PHC2: variants seen among roughly 807,000 people sequenced by gnomAD.
PHC2 encodes the protein polyhomeotic-like protein 2.
Under a neutral mutation model 87.4 loss-of-function variants are expected in PHC2, and 29 were observed. That is an observed-to-expected ratio of 0.33 (90% confidence interval 0.25 to 0.45). PHC2 has a LOEUF of 0.45. Among genes scored for constraint, PHC2 ranks in the 20% least tolerant of loss-of-function variants. The pLI, the probability that PHC2 is intolerant of heterozygous loss-of-function variation, is 1.00. For missense variants in PHC2, 857 were observed against 1,136.7 expected, an observed-to-expected ratio of 0.75 and a Z score of 3.54; for synonymous variants, 438 against 461.7, an observed-to-expected ratio of 0.95 and a Z score of 0.66.
chr1:33,331,176 T>G lies in PHC2; in HGVS notation c.2006+172A>C, dbSNP rs1040460951. On this transcript the variant is annotated intron_variant, in intron 12 of 14. Transcript: ENST00000683057. This position sits in a 1 kb window ranked among gnomAD's most constrained non-coding sequence, Gnocchi z 5.2. ...CTCTCTCCCACCTGCTCTTAGGGGT[T>G]CTGGCTTCTCGTGCTTGTTGAATTA... Among the ~76,000 whole-genome samples, 3 of 152,224 alleles carry G rather than the reference T, an allele frequency of 2.0e-5. No homozygotes were observed. Among genetic ancestry groups the G allele is most frequent in the Non-Finnish European group, 4.4e-5 (3 of 68,038 alleles).
intron 1 of PHC2, among the ~76,000 whole-genome samples, chr1:33,405,541 C>T (rs954788906): frequency 4.6e-5 from 7 of 152,076 alleles, no homozygotes; most frequent in African/African-American, 1.7e-4. Context: ...TGTATATCCT[C>T]TCTATAAGTG....
In PHC2 at chr1:33,332,586, G is replaced by A. The variant is rs969742754; in HGVS notation, c.1762-182C>T. 1.8e-5 allele frequency: 12 copies of A among 677,904 alleles called. No homozygotes were observed. The highest frequency in any genetic ancestry group is 1.4e-4 in the South Asian group (8 of 56,200). 42.0% of individuals were successfully genotyped at this position (677,904 alleles called of 1,614,324 possible). On this transcript the variant is annotated intron_variant, in intron 10 of 14. Coordinates refer to ENST00000683057, the MANE Select transcript of PHC2 (RefSeq NM_001385109.1). The surrounding 1 kb of genome is among the most constrained non-coding windows in gnomAD (Gnocchi z 4.2). The stretch of plus-strand genomic sequence containing the variant: ...GGCCCTATTTTGCTGGTTGGCTCAC[G>A]AGGTAAGATGCTAATGGGCAAAGTA...
chr1:33,357,818 T>C lies in PHC2; in HGVS notation c.977-2565A>G, dbSNP rs1443767245. ...CAAAATGATCTGCAAATGTTGGGCA[T>C]GTCACTGCAAATGCAACCAAAACTT... On this transcript the variant is annotated intron_variant, in intron 7 of 14. Transcript: ENST00000683057. 2.6e-5 allele frequency among the ~76,000 whole-genome samples: 4 copies of C among 152,216 alleles called. No individual in the cohort carries two copies. The East Asian group carries it at 7.7e-4, about 29-fold the overall frequency.
At chr1:33,337,201 T>C (rs1219498266) in intron 9 of PHC2, among the ~76,000 whole-genome samples, 1 of 152,186 alleles carries the variant, frequency 6.6e-6, no homozygotes, top group African/African-American at 2.4e-5. Flanking sequence ...GAAAGTCTGG[T>C]TCGATCTCTT....
chr1:33,353,144 C>T (rs2148276879), intron 9 of PHC2: 1 of 152,228 alleles, frequency 6.6e-6, no homozygotes, highest in Middle Eastern at 3.4e-3. Context: ...GATAGACAAG[C>T]CTGACCAGAA....
chr1:33,334,434 T>G lies in PHC2; in HGVS notation c.1559-142A>C, dbSNP rs1646579843. ...ATGCAAACCAAGCAGTCCCCTCCCC[T>G]CAGTGACCCATTTAAAAGTGGCACA... is the stretch of plus-strand genomic sequence containing the variant. On this transcript the variant is annotated intron_variant, in intron 9 of 14. Coordinates refer to ENST00000683057, the MANE Select transcript of PHC2 (RefSeq NM_001385109.1). The surrounding 1 kb of genome is among the most constrained non-coding windows in gnomAD (Gnocchi z 5.5). 4 of 685,882 alleles carry G rather than the reference T, an allele frequency of 5.8e-6. No homozygotes were observed. Among genetic ancestry groups the G allele is most frequent in the Non-Finnish European group, 1.0e-5 (4 of 400,930 alleles). The allele number at this position is 685,882 out of a possible 1,614,324, so 42.5% of individuals were successfully genotyped here. A position where few individuals can be genotyped will look rare whatever the true frequency, so the allele number is the denominator to read the frequency against.
chr1:33,367,065 TCACGGC>T (rs1647493875), intron 7 of PHC2, 45 bp downstream of exon 7: 1 of 1,493,654 alleles, frequency 6.7e-7, no homozygotes, highest in Non-Finnish European at 9.1e-7. Flanking sequence ...TCCTCCTGAC[TCACGGC>T]CCTGAGTTTT....
chr1:33,381,042 T>C (rs1648466292), intron 1 of PHC2, among the ~76,000 whole-genome samples: 1 of 152,192 alleles, frequency 6.6e-6, no homozygotes, highest in Non-Finnish European at 1.5e-5. Flanking sequence ...ACCAACTCCT[T>C]AGATCTTCAA....
In PHC2 at chr1:33,331,515, G is replaced by A; in HGVS notation, c.1892-53C>T. The A allele has an allele frequency of 2.7e-6, 3 of 1,093,592 alleles. No homozygotes were observed. Among genetic ancestry groups the A allele is most frequent in the Admixed American group, 1.8e-5 (1 of 57,040 alleles). The allele number at this position is 1,093,592 out of a possible 1,614,324, so 67.7% of individuals were successfully genotyped here. ...GAGAATGAGAAATTCCTGCAGGACT[G>A]TGGCCAGCCCCACCACGGGGCCTCC... On this transcript the variant is annotated intron_variant, in intron 11 of 14. Coordinates refer to ENST00000683057, the MANE Select transcript of PHC2 (RefSeq NM_001385109.1). This position sits in a 1 kb window ranked among gnomAD's most constrained non-coding sequence, Gnocchi z 5.2.
intron 1 of PHC2, among the ~76,000 whole-genome samples, chr1:33,408,638 TG>T (rs1314567293): frequency 1.3e-5 from 2 of 152,108 alleles, no homozygotes; most frequent in African/African-American, 2.4e-5. Context: ...TTTTTTTGTT[TG>T]TTTTTTTAGT....
rs1040494846 is a variant in PHC2 at position 33,369,772 on chromosome 1, T to G, written c.576+649A>C. Among the ~76,000 whole-genome samples the G allele has an allele frequency of 2.6e-5, 4 of 152,170 alleles. No homozygotes were observed. Among genetic ancestry groups the G allele is most frequent in the Admixed American group, 2.6e-4 (4 of 15,286 alleles). On this transcript the variant is annotated intron_variant, in intron 5 of 14. Transcript: ENST00000683057. The surrounding 1 kb of genome is among the most constrained non-coding windows in gnomAD (Gnocchi z 4.7). ...TGACTGAGCCCTAGCTGGGGCTGCATGCTACTGCCACCCAGGGAGTATGCT... is the reference window on the plus strand; with the variant it reads ...TGACTGAGCCCTAGCTGGGGCTGCAGGCTACTGCCACCCAGGGAGTATGCT...
intron 9 of PHC2, among the ~76,000 whole-genome samples, chr1:33,344,786 A>C (rs977272574): frequency 6.6e-6 from 1 of 151,388 alleles, no homozygotes; most frequent in Admixed American, 6.6e-5. Context: ...TTTTTTAATT[A>C]TCTGTAGAGG....
chr1:33,400,560 A>G (rs1649481962), intron 1 of PHC2, among the ~76,000 whole-genome samples: 1 of 152,222 alleles, frequency 6.6e-6, no homozygotes, highest in African/African-American at 2.4e-5. Flanking sequence ...TACTTTGACC[A>G]TATTATAAAT....
intron 1 of PHC2, among the ~76,000 whole-genome samples, chr1:33,390,531 C>T (rs968385217): frequency 3.3e-5 from 5 of 152,200 alleles, no homozygotes; most frequent in Non-Finnish European, 5.9e-5. Flanking sequence ...TGCCCAACCA[C>T]CACCATCCGC....
At chr1:33,423,083 G>C (rs1650492874) in intron 1 of PHC2, among the ~76,000 whole-genome samples, 1 of 152,096 alleles carries the variant, frequency 6.6e-6, no homozygotes, top group South Asian at 2.1e-4. Context: ...CAGCTCATGA[G>C]TGGCAGAGGC....
intron 9 of PHC2, among the ~76,000 whole-genome samples, chr1:33,343,734 T>TA (rs1280806375): frequency 6.6e-6 from 1 of 152,176 alleles, no homozygotes; most frequent in Non-Finnish European, 1.5e-5. Flanking sequence ...TCTGGCCTCT[T>TA]ACAGCCCCAG....
At chr1:33,339,380 G>C (rs1557822282) in intron 9 of PHC2, among the ~76,000 whole-genome samples, 1 of 152,126 alleles carries the variant, frequency 6.6e-6, no homozygotes, top group Non-Finnish European at 1.5e-5. Context: ...TTTGAGAGCA[G>C]CTAGGCTGGT....
At chr1:33,396,381 A>C (rs1314914043) in intron 1 of PHC2, among the ~76,000 whole-genome samples, 1 of 152,158 alleles carries the variant, frequency 6.6e-6, no homozygotes, top group Non-Finnish European at 1.5e-5. Flanking sequence ...AAAAGGGGAA[A>C]TAATGCAGTC....
At position 33,349,170 on chromosome 1, in the gene PHC2, CAA is replaced by C. The variant is rs1646905289; in HGVS notation, c.1558+5229_1558+5230del. The C allele has an allele frequency of 1.0e-6, 1 of 985,450 alleles. No individual in the cohort carries two copies. The highest frequency in any genetic ancestry group is 1.2e-6 in the Non-Finnish European group (1 of 829,932). The allele number at this position is 985,450 out of a possible 1,614,324, so 61.0% of individuals were successfully genotyped here. Reference sequence around the variant, plus strand: ...TCGTGAGACTGAACTAGATTAAAAACAAAACTCTCCAGCGAAGCCGCAGGCGC... The same window carrying C: ...TCGTGAGACTGAACTAGATTAAAAACAACTCTCCAGCGAAGCCGCAGGCGC... On this transcript the variant is annotated intron_variant, in intron 9 of 14. Coordinates refer to ENST00000683057, the MANE Select transcript of PHC2 (RefSeq NM_001385109.1). This position sits in a 1 kb window ranked among gnomAD's most constrained non-coding sequence, Gnocchi z 4.2.
Sources: allele counts gnomAD v4.1 joint callset (sites outside exome capture counted in the v4.1 genomes callset), GRCh38; gene constraint gnomAD v4.1.1; non-coding constraint Gnocchi (gnomAD v3.1); transcripts MANE v1.5; gene names NCBI Gene and HGNC (gene_info 2026-07-23, HGNC 2026-07-21).